Variants in SPHKAP observed in about 807,000 individuals in gnomAD.
The protein encoded by SPHKAP is A-kinase anchor protein SPHKAP.
Under a neutral mutation model 137.5 loss-of-function variants are expected in SPHKAP, and 67 were observed. The observed-to-expected ratio is 0.49, with a 90% CI of 0.40 to 0.60. The LOEUF (loss-of-function observed/expected upper bound fraction) is 0.60, where lower values mean the gene tolerates loss of function less well. Among genes scored for constraint, SPHKAP ranks in the 20% least tolerant of loss-of-function variants. SPHKAP has a pLI of 0.00. For synonymous variants in SPHKAP, 813 were observed against 785.3 expected, an observed-to-expected ratio of 1.04 and a Z score of -0.59; for missense variants, 2,097 against 2,069.3, an observed-to-expected ratio of 1.01 and a Z score of -0.26.
chr2:228,158,214 A>G (rs961319225), intron 1 of SPHKAP, among the ~76,000 whole-genome samples: 4 of 152,144 alleles, frequency 2.6e-5, no homozygotes, highest in Non-Finnish European at 5.9e-5. Flanking sequence ...TTACTGCCCA[A>G]ATTGTCCACT....
At chr2:228,106,156 C>T (rs982832137) in intron 3 of SPHKAP, among the ~76,000 whole-genome samples, 1 of 152,124 alleles carries the variant, frequency 6.6e-6, no homozygotes, top group Non-Finnish European at 1.5e-5. Context: ...GCACACAACC[C>T]TCTCAATATT....
At chr2:228,098,659 G>A (rs936780935) in intron 3 of SPHKAP, among the ~76,000 whole-genome samples, 2 of 151,646 alleles carry the variant, frequency 1.3e-5, no homozygotes, top group African/African-American at 2.4e-5. Context: ...TATACCTAAC[G>A]CTAAATGATG....
At chr2:228,027,326 C>T (rs182644704) in intron 4 of SPHKAP, among the ~76,000 whole-genome samples, 158 bp downstream of exon 4, 44 of 152,206 alleles carry the variant, frequency 2.9e-4, no homozygotes, top group Admixed American at 9.8e-4. Flanking sequence ...AAAGGGCAAA[C>T]GGTAGAGGGT....
rs986248130 is a variant in SPHKAP at position 227,981,193 on chromosome 2, A to G, written c.*524T>C. ...CTTTTATCAATGTCTACTGACATTG[A>G]TTTGAAAGTGGAAATCTTTTGTATA... On this transcript the variant is annotated 3_prime_UTR_variant, in exon 12 of 12. Transcript: ENST00000392056. 8 of 152,266 alleles carry G rather than the reference A, an allele frequency of 5.3e-5. No homozygotes were observed. The highest frequency in any genetic ancestry group is 1.9e-4 in the African/African-American group (8 of 41,460). 9.4% of individuals were successfully genotyped at this position (152,266 alleles called of 1,614,324 possible).
At chr2:228,161,851 T>C (rs1369418337) in intron 1 of SPHKAP, among the ~76,000 whole-genome samples, 1 of 152,226 alleles carries the variant, frequency 6.6e-6, no homozygotes, top group African/African-American at 2.4e-5. Context: ...TTTTATGTCC[T>C]ATTAAGTATG....
chr2:228,073,793 G>T (rs574994496), intron 3 of SPHKAP, among the ~76,000 whole-genome samples: 6 of 152,310 alleles, frequency 3.9e-5, no homozygotes, highest in African/African-American at 9.6e-5. Flanking sequence ...TGGACTGAGG[G>T]TTTACAAGCA....
chr2:228,118,783 G>A (rs1698806022), intron 2 of SPHKAP, among the ~76,000 whole-genome samples: 1 of 151,936 alleles, frequency 6.6e-6, no homozygotes, highest in Admixed American at 6.6e-5. Flanking sequence ...GTTTTCATTC[G>A]TTCTTTCATT....
chr2:227,987,881 T>A (rs1693270289), intron 11 of SPHKAP, among the ~76,000 whole-genome samples: 1 of 152,184 alleles, frequency 6.6e-6, no homozygotes, highest in Non-Finnish European at 1.5e-5. Flanking sequence ...ATTTTAGGAT[T>A]CACACAAATT....
intron 7 of SPHKAP, among the ~76,000 whole-genome samples, chr2:227,999,194 C>T (rs1356060020): frequency 6.6e-6 from 1 of 152,154 alleles, no homozygotes; most frequent in Non-Finnish European, 1.5e-5. Flanking sequence ...CAGTCCTTCT[C>T]ACAGTGTTCT....
intron 3 of SPHKAP, among the ~76,000 whole-genome samples, chr2:228,045,572 G>T (rs1051033421): frequency 1.3e-5 from 2 of 151,860 alleles, no homozygotes; most frequent in East Asian, 3.9e-4. Flanking sequence ...CACACGAAGG[G>T]GAACATCACA....
intron 2 of SPHKAP, among the ~76,000 whole-genome samples, chr2:228,113,702 C>A (rs1025082224): frequency 1.4e-5 from 2 of 147,816 alleles, no homozygotes; most frequent in African/African-American, 5.0e-5. Context: ...TCCTTGTTAA[C>A]TGTGTAGTTA....
chr2:228,056,428 G>T (rs558112262), intron 3 of SPHKAP, among the ~76,000 whole-genome samples: 4 of 152,120 alleles, frequency 2.6e-5, no homozygotes, highest in African/African-American at 7.2e-5. Flanking sequence ...GTTGTCTTTG[G>T]TTGGGAGCTA....
At chr2:228,022,751 T>C (rs1280171366) in intron 5 of SPHKAP, among the ~76,000 whole-genome samples, 1 of 152,138 alleles carries the variant, frequency 6.6e-6, no homozygotes, top group Non-Finnish European at 1.5e-5. Context: ...TTGGTCAAGC[T>C]GAAGGGAATG....
chr2:228,150,832 C>G (rs1376588879), intron 1 of SPHKAP, among the ~76,000 whole-genome samples: 1 of 151,964 alleles, frequency 6.6e-6, no homozygotes, highest in Non-Finnish European at 1.5e-5. Context: ...CTCATCACAG[C>G]CTCGATCTCC....
intron 3 of SPHKAP, among the ~76,000 whole-genome samples, chr2:228,080,994 G>A (rs956111959): frequency 1.3e-5 from 2 of 152,030 alleles, no homozygotes; most frequent in South Asian, 2.1e-4. Context: ...TTACTACTGG[G>A]TGTGTATCCT....
chr2:228,109,360 C>T (rs758414811), intron 2 of SPHKAP: 3 of 984,520 alleles, frequency 3.0e-6, no homozygotes, highest in Non-Finnish European at 3.6e-6. Flanking sequence ...AATATTGATT[C>T]TTCACTTCTT....
chr2:228,166,846 C>T (rs73098646), intron 1 of SPHKAP, among the ~76,000 whole-genome samples: 4,493 of 152,140 alleles, frequency 0.03, 204 homozygotes, highest in African/African-American at 0.1. Flanking sequence ...GCGGGATGTA[C>T]AGGAAGCATA....
intron 3 of SPHKAP, among the ~76,000 whole-genome samples, chr2:228,057,253 A>C (rs530864228): frequency 4.8e-4 from 73 of 152,358 alleles, no homozygotes; most frequent in African/African-American, 1.6e-3. Flanking sequence ...TGTAACTCTT[A>C]TCTATTATGA....
chr2:228,012,685 T>C (rs894473098), intron 7 of SPHKAP, among the ~76,000 whole-genome samples: 23 of 152,252 alleles, frequency 1.5e-4, no homozygotes, highest in South Asian at 1.2e-3. Flanking sequence ...CAAGGCCAAC[T>C]GCTTGTCAGA....
Sources: gnomAD v4.1 joint callset for allele counts (sites outside exome capture counted in the v4.1 genomes callset) on GRCh38, gnomAD v4.1.1 for gene constraint, MANE v1.5 for transcripts, NCBI Gene and HGNC (gene_info 2026-07-23, HGNC 2026-07-21) for gene names.